Variants in KCTD1 observed in about 807,000 individuals in gnomAD.
KCTD1 encodes the protein potassium channel tetramerization domain containing 1.
KCTD1 carries 24 observed loss-of-function variants against 66.0 expected under a neutral mutation model. That is an observed-to-expected ratio of 0.36 (90% CI 0.26 to 0.51). KCTD1 has a LOEUF of 0.51. Among genes scored for constraint, KCTD1 ranks in the 20% least tolerant of loss-of-function variants. KCTD1 has a pLI of 0.95. For missense variants in KCTD1, 943 were observed against 1,205.2 expected (o/e 0.78, Z 3.22); for synonymous variants, 511 against 517.2 (o/e 0.99, Z 0.16).
intron 1 of KCTD1, among the ~76,000 whole-genome samples, chr18:26,626,484 T>G (rs1261165161): frequency 6.7e-6 from 1 of 150,300 alleles, no homozygotes; most frequent in Non-Finnish European, 1.5e-5. Flanking sequence ...TTTTTTTTTT[T>G]TTTTTTTTTG....
chr18:26,492,886 G>A (rs1279291374), intron 2 of KCTD1, among the ~76,000 whole-genome samples: 2 of 151,930 alleles, frequency 1.3e-5, no homozygotes, highest in African/African-American at 2.4e-5. Flanking sequence ...CTACCTATAA[G>A]GTTATATGAA....
intron 1 of KCTD1, among the ~76,000 whole-genome samples, chr18:26,589,509 C>A (rs937129772): frequency 1.3e-5 from 2 of 152,026 alleles, no homozygotes; most frequent in Admixed American, 1.3e-4. Context: ...CAGTGTAAAG[C>A]CAGTTATATA....
chr18:26,643,102 G>T (rs1276200190), upstream of KCTD1, among the ~76,000 whole-genome samples: 1 of 152,164 alleles, frequency 6.6e-6, no homozygotes, highest in Non-Finnish European at 1.5e-5. Context: ...AGGCTGGGAT[G>T]TCCAAGATCA....
chr18:26,614,386 G>T (rs1297895809), intron 1 of KCTD1, among the ~76,000 whole-genome samples: 1 of 152,210 alleles, frequency 6.6e-6, no homozygotes, highest in Non-Finnish European at 1.5e-5. Flanking sequence ...CCATGACTAT[G>T]CTCCAAAGCA....
At chr18:26,584,634 T>G (rs1986432295) in intron 1 of KCTD1, among the ~76,000 whole-genome samples, 1 of 152,084 alleles carries the variant, frequency 6.6e-6, no homozygotes, top group Admixed American at 6.6e-5. Flanking sequence ...GTCCCTGCCT[T>G]TAAGGGGCTT....
At chr18:26,519,654 T>C (rs1983819749) in intron 1 of KCTD1, among the ~76,000 whole-genome samples, 1 of 152,212 alleles carries the variant, frequency 6.6e-6, no homozygotes, top group African/African-American at 2.4e-5. Flanking sequence ...ATACTTGATA[T>C]CCTGTTTCAT....
chr18:26,512,157 G>A (rs1598908111), intron 1 of KCTD1, among the ~76,000 whole-genome samples: 1 of 151,944 alleles, frequency 6.6e-6, no homozygotes, highest in Non-Finnish European at 1.5e-5. Flanking sequence ...AGGCTGGAGT[G>A]CAGTAGCGCG....
intron 1 of KCTD1, among the ~76,000 whole-genome samples, chr18:26,558,021 T>A (rs185981235): frequency 6.4e-4 from 98 of 152,388 alleles, no homozygotes; most frequent in African/African-American, 2.3e-3. Context: ...AGCTCTCTGT[T>A]GGGGACAACT....
chr18:26,544,387 C>G (rs1170267888), intron 1 of KCTD1: 1 of 152,210 alleles, frequency 6.6e-6, no homozygotes, highest in Non-Finnish European at 1.5e-5. Context: ...GAAGCAGGCT[C>G]TTCATCTTTA....
chr18:26,465,741 CCA>C lies in KCTD1; in HGVS notation c.2134-5818_2134-5817del, dbSNP rs769419572. On this transcript the variant is annotated intron_variant, in intron 3 of 4. Transcript: ENST00000580059. Reference sequence around the variant, plus strand: ...CCTGGCTTGGAAAGTCACGAGGACGCCACACCACAGGAGCTAGGCCTGATGTC... The same window carrying C: ...CCTGGCTTGGAAAGTCACGAGGACGCCACCACAGGAGCTAGGCCTGATGTC... Among the ~76,000 whole-genome samples the C allele has an allele frequency of 1.1e-3, 162 of 152,172 alleles. 5 individuals are homozygous for C. Among genetic ancestry groups the C allele is most frequent in the Non-Finnish European group, 2.8e-4 (19 of 68,034 alleles).
At position 26,455,909 on chromosome 18, in the gene KCTD1, G is replaced by A. The variant is rs760903733; in HGVS notation, c.2440-8C>T. The A allele has an allele frequency of 6.2e-7, 1 of 1,611,424 alleles. No individual in the cohort carries two copies. ...CTGCAACCTCTCGAGGACCTGCGAG[G>A]GAACAAGACAAGCATCCAGTTAGGG... On this transcript the variant is annotated splice_region_variant and splice_polypyrimidine_tract_variant and intron_variant, in intron 4 of 4. Coordinates refer to ENST00000580059, the MANE Select transcript of KCTD1 (RefSeq NM_001142730.3).
chr18:26,634,250 A>G (rs1479967440), intron 1 of KCTD1, among the ~76,000 whole-genome samples: 1 of 152,234 alleles, frequency 6.6e-6, no homozygotes, highest in African/African-American at 2.4e-5. Flanking sequence ...CCTCTAGACT[A>G]GCACACTGCC....
chr18:26,475,732 AT>A (rs1981310624), intron 3 of KCTD1, among the ~76,000 whole-genome samples: 1 of 152,114 alleles, frequency 6.6e-6, no homozygotes, highest in Non-Finnish European at 1.5e-5. Flanking sequence ...GGCAGCTGTA[AT>A]CCCAGCTACT....
chr18:26,532,690 C>A (rs796380431), intron 1 of KCTD1, among the ~76,000 whole-genome samples: 1 of 152,164 alleles, frequency 6.6e-6, no homozygotes, highest in Non-Finnish European at 1.5e-5. Flanking sequence ...TCTGGCTTTA[C>A]GCAGTGCCTT....
In KCTD1 at chr18:26,652,082, C is replaced by G. The variant is rs564622528; in HGVS notation, c.9+5278G>C. ...CAGAGGCAGCTGAGATAAGGTGAGA[C>G]TGATATGGACCGAGGGACTGAGACA... On this transcript the variant is annotated intron_variant, in intron 1 of 4. Transcript: ENST00000580191. Among the ~76,000 whole-genome samples, 197 of 152,276 alleles carry G rather than the reference C, an allele frequency of 1.3e-3. 1 individual carries two copies. Among genetic ancestry groups the G allele is most frequent in the Non-Finnish European group, 2.1e-3 (146 of 68,018 alleles).
chr18:26,472,033 C>T (rs1407254999), intron 3 of KCTD1, among the ~76,000 whole-genome samples: 1 of 151,966 alleles, frequency 6.6e-6, no homozygotes, highest in Admixed American at 6.6e-5. Flanking sequence ...AGAAGGACTG[C>T]AGGTTCCTGC....
At chr18:26,542,205 T>C (rs1985002966) in intron 1 of KCTD1, among the ~76,000 whole-genome samples, 1 of 152,184 alleles carries the variant, frequency 6.6e-6, no homozygotes. Flanking sequence ...TGTGCAATGT[T>C]TCAAATGTTA....
intron 1 of KCTD1, among the ~76,000 whole-genome samples, chr18:26,607,165 G>A (rs903815728): frequency 6.6e-6 from 1 of 152,132 alleles, no homozygotes; most frequent in South Asian, 2.1e-4. Flanking sequence ...CTCCTCAGTA[G>A]CTGAGACGAT....
rs1188417135 is a variant in KCTD1 at position 26,455,816 on chromosome 18, A to G, written c.2525T>C (p.Val842Ala). 1 of 1,614,004 alleles carries G rather than the reference A, an allele frequency of 6.2e-7. No homozygotes were observed. The highest frequency in any genetic ancestry group is 8.5e-7 in the Non-Finnish European group (1 of 1,180,028). The change falls in exon 5 of 5, where the codon GTC (valine) becomes GCC (alanine). Residue 842 changes from valine (V) to alanine (A), a missense_variant. By Grantham distance (64) the Val-to-Ala change is moderately conservative. Coordinates refer to ENST00000580059, the MANE Select transcript of KCTD1 (RefSeq NM_001142730.3). The stretch of plus-strand genomic sequence containing the variant: ...CGTCCGCCTCAGTTCCCGCCGAAGG[A>G]CGTATTCGCTGAACTGGGACGAGTC... ...GVDSSQFSEY[V>A]LRRELRRTPR...
Sources: gnomAD v4.1 joint callset for allele counts (sites outside exome capture counted in the v4.1 genomes callset) on GRCh38, gnomAD v4.1.1 for gene constraint, MANE v1.5 for transcripts, NCBI Gene and HGNC (gene_info 2026-07-23, HGNC 2026-07-21) for gene names.